The following HUS1 variants were observed in gnomAD, a reference collection of about 807,000 sequenced individuals.
HUS1 encodes checkpoint protein HUS1.
A neutral mutation model predicts 32.6 loss-of-function variants in HUS1; 31 were observed. The ratio of observed to expected loss-of-function variants is 0.95; its 90% CI spans 0.72 to 1.28. The LOEUF (loss-of-function observed/expected upper bound fraction) is 1.28, where lower values mean the gene tolerates loss of function less well. Ranked by LOEUF, HUS1 falls within the 50% of genes most tolerant of loss-of-function variation. HUS1 has a pLI of 0.00. For synonymous variants in HUS1, 123 were observed against 116.6 expected (o/e 1.06, Z -0.36); for missense variants, 340 against 337.7 (o/e 1.01, Z -0.05).
intron 7 of HUS1, among the ~76,000 whole-genome samples, chr7:47,967,210 T>C (rs532355377): frequency 2.0e-5 from 3 of 152,286 alleles, no homozygotes; most frequent in African/African-American, 7.2e-5. Flanking sequence ...AAAAATGCCT[T>C]GAAAAGCTCT....
chr7:47,965,124 C>A lies in HUS1; in HGVS notation c.*232G>T. On this transcript the variant is annotated 3_prime_UTR_variant, in exon 8 of 8. Transcript: ENST00000258774. ...TCTGAATAAATAAATTCTAGCTTTT[C>A]TTTTCAGTGTCTTAAAAACAAAGCA... is the stretch of plus-strand genomic sequence containing the variant. 1 of 372,240 alleles carries A rather than the reference C, an allele frequency of 2.7e-6. No individual in the cohort carries two copies. The highest frequency in any genetic ancestry group is 4.9e-6 in the Non-Finnish European group (1 of 203,738). The allele number at this position is 372,240 out of a possible 1,614,324, so 23.1% of individuals were successfully genotyped here. A position where few individuals can be genotyped will look rare whatever the true frequency, so the allele number is the denominator to read the frequency against.
chr7:47,977,242 TG>T (rs1277312852), intron 3 of HUS1, among the ~76,000 whole-genome samples: 1 of 151,862 alleles, frequency 6.6e-6, no homozygotes, highest in Non-Finnish European at 1.5e-5. Context: ...GCAGCAGCCA[TG>T]GGAAGACAAG....
chr7:47,975,361 T>A (rs1184220533), intron 5 of HUS1, among the ~76,000 whole-genome samples: 1 of 142,652 alleles, frequency 7.0e-6, no homozygotes, highest in Non-Finnish European at 1.6e-5. Flanking sequence ...TCATACAAAA[T>A]ATAAGAGGAA....
chr7:47,970,232 CAAAA>C (rs777331089), intron 5 of HUS1, among the ~76,000 whole-genome samples: 5 of 47,842 alleles, frequency 1.0e-4, no homozygotes, highest in African/African-American at 1.4e-4. Flanking sequence ...GACTCTGTCT[CAAAA>C]AAAAAAAAAA....
chr7:47,978,936 TG>T, intron 1 of HUS1, 120 bp from the exon 2 acceptor site: 1 of 1,033,274 alleles, frequency 9.7e-7, no homozygotes, highest in African/African-American at 1.6e-5. Context: ...CACTTAACGT[TG>T]GTATCACACT....
chr7:47,977,533 T>C (rs1023564870), intron 3 of HUS1, among the ~76,000 whole-genome samples: 6 of 151,952 alleles, frequency 3.9e-5, no homozygotes, highest in African/African-American at 1.2e-4. Flanking sequence ...ACCAAACTTA[T>C]ACTGTGACAT....
rs528436783 is a variant in HUS1 at position 47,967,849 on chromosome 7, C to A, written c.717G>T (p.Gln239His). 3.1e-6 allele frequency: 5 copies of A among 1,614,036 alleles called. No individual in the cohort carries two copies. The South Asian group carries it at 5.5e-5, about 18-fold the overall frequency. ...GATTTACTTGTTGTCCAGCAAGAAA[C>A]TGTAGGAGCTTCCTAATATCTATGT... Reference protein sequence around the residue: ...EVHIDIRKLLQFLAGQQVNPT... With the variant: ...EVHIDIRKLLHFLAGQQVNPT... Residue 239 changes from glutamine to histidine, a missense_variant, in exon 7 of 8, where the codon CAG becomes CAT. Transcript: ENST00000258774.
rs1163411332 is a variant in HUS1 at position 47,978,811 on chromosome 7, T to A, written c.58A>T (p.Ser20Cys). 1.2e-6 allele frequency: 2 copies of A among 1,613,852 alleles called. No homozygotes were observed. Among genetic ancestry groups the A allele is most frequent in the Admixed American group, 3.3e-5 (2 of 59,976 alleles). The change falls in exon 2 of 8, where the codon AGT becomes TGT. Residue 20 changes from serine (S) to cysteine (C), a missense_variant. By Grantham distance (112) the Ser-to-Cys change is moderately radical (BLOSUM62 -1). Coordinates refer to ENST00000258774, the MANE Select transcript of HUS1 (RefSeq NM_004507.4). ...TTGGCAAGCTTGGCTATCATGTTAC[T>A]GATTCCTAAAGCAGGGGTTAAAATA... The part of the protein sequence containing the change: ...GACLNHFTRI[S>C]NMIAKLAKTC...
rs147789957 is a variant in HUS1 at position 47,966,987 on chromosome 7, C to T, written c.760+819G>A. Among the ~76,000 whole-genome samples, 503 of 152,300 alleles carry T rather than the reference C, an allele frequency of 3.3e-3. 2 individuals carry two copies. The highest frequency in any genetic ancestry group is 0.012 in the African/African-American group (479 of 41,576). Reference sequence around the variant, plus strand: ...TCCCATGGTCTCTTCTGATTCTCTTCATGTCTCTCATTCAAAAGGGCTGGT... The same window carrying T: ...TCCCATGGTCTCTTCTGATTCTCTTTATGTCTCTCATTCAAAAGGGCTGGT... On this transcript the variant is annotated intron_variant, in intron 7 of 7. Coordinates refer to ENST00000258774, the MANE Select transcript of HUS1 (RefSeq NM_004507.4).
In HUS1 at chr7:47,976,794, G is replaced by A. The variant is rs370417384; in HGVS notation, c.401C>T (p.Pro134Leu). 33 of 1,613,324 alleles carry A rather than the reference G, an allele frequency of 2.0e-5. No individual in the cohort carries two copies. The African/African-American group carries it at 3.7e-4, about 18-fold the overall frequency. The change falls in exon 4 of 8, where the codon CCC (proline) becomes CTC (leucine). Residue 134 changes from proline to leucine, a missense_variant. Coordinates refer to ENST00000258774, the MANE Select transcript of HUS1 (RefSeq NM_004507.4). ...SSSRIVTHDI[P>L]IKVIPRKLWK... ...CAATTTCCTAGGAATCACCTTTATG[G>A]GGATGTCATGGGTCACAATGCGGCT... is the stretch of plus-strand genomic sequence containing the variant.
At chr7:47,971,538 C>T (rs1345757420) in intron 5 of HUS1, 1 of 456,726 alleles carries the variant, frequency 2.2e-6, no homozygotes, top group Non-Finnish European at 4.4e-6. Context: ...GCATATGCCA[C>T]AGTATGGTTT....
Position 47,963,885 on chromosome 7 carries a change from G to A in HUS1, c.*1471C>T, listed in dbSNP as rs1465961431. ...CGCGCCACTAGCACTCCAGACTGGC[G>A]ACAGAGTGAGACTCCGTCTCAAAAA... On this transcript the variant is annotated 3_prime_UTR_variant, in exon 8 of 8. Transcript: ENST00000258774. 1.3e-5 allele frequency: 2 copies of A among 150,326 alleles called. No homozygotes were observed. Among genetic ancestry groups the A allele is most frequent in the African/African-American group, 2.4e-5 (1 of 40,822 alleles). The allele number at this position is 150,326 out of a possible 1,614,324, so 9.3% of individuals were successfully genotyped here.
chr7:47,967,951 T>C, intron 6 of HUS1, 26 bp from the exon 7 acceptor site: 1 of 1,600,212 alleles, frequency 6.2e-7, no homozygotes, highest in Non-Finnish European at 8.5e-7. Context: ...TGCATTTAAA[T>C]ACAACATCTT....
chr7:47,969,283 C>A lies in HUS1; in HGVS notation c.576G>T (p.Leu192Phe), dbSNP rs763890469. The A allele has an allele frequency of 1.1e-5, 18 of 1,592,184 alleles. No individual in the cohort carries two copies. The South Asian group carries it at 2.0e-4, about 18-fold the overall frequency. ...IEANLDGELNLKIETELVCVT... is the reference protein window; with the variant it reads ...IEANLDGELNFKIETELVCVT... ...CACATACTAATTCAGTTTCTATTTT[C>A]AAATTCAATTCTCCATCTAGGTTTG... Residue 192 changes from leucine to phenylalanine, a missense_variant, in exon 6 of 8, where the codon TTG (leucine) becomes TTT (phenylalanine). Transcript: ENST00000258774.
rs144439413 is a variant in HUS1, at chr7:47,966,392, A to T, written c.761-954T>A. 3.3e-3 allele frequency among the ~76,000 whole-genome samples: 502 copies of T among 152,330 alleles called. 2 individuals carry two copies. The highest frequency in any genetic ancestry group is 0.011 in the African/African-American group (478 of 41,574). On this transcript the variant is annotated intron_variant, in intron 7 of 7. Transcript: ENST00000258774. The stretch of plus-strand genomic sequence containing the variant: ...GGAGACACCAAAGTGAATGTTGGGA[A>T]GACACTTGGCTTAGTCAACCACCTT...
chr7:47,970,553 A>T (rs1788578036), intron 5 of HUS1, among the ~76,000 whole-genome samples: 1 of 152,192 alleles, frequency 6.6e-6, no homozygotes, highest in South Asian at 2.1e-4. Flanking sequence ...AGTGGAGAAG[A>T]TCCAAGCCCT....
intron 5 of HUS1, among the ~76,000 whole-genome samples, chr7:47,971,072 C>T (rs901397421): frequency 5.3e-4 from 81 of 152,094 alleles, no homozygotes; most frequent in African/African-American, 1.8e-3. Flanking sequence ...AAATTTTATG[C>T]TCTGATGATG....
At position 47,979,469 on chromosome 7, in the gene HUS1, T is replaced by C. The variant is rs2307257; in HGVS notation, c.51A>G (p.Thr17=). The C allele has an allele frequency of 1.3e-3, 2,017 of 1,613,472 alleles. 47 individuals are homozygous for C. The Admixed American group carries it at 0.031, about 25-fold the overall frequency. ...CTCCTCTCCGGCCTCCCTGCTCACG[T>C]GTGAAGTGGTTCAGACAGGCCCCGT... ...IVDGACLNHF[T]RISNMIAKLA... is the part of the protein sequence containing the mutation. The change falls in exon 1 of 8, where the codon ACA becomes ACG. Residue 17 remains threonine, a splice_region_variant and synonymous_variant. Transcript: ENST00000258774.
chr7:47,967,990 C>G, intron 6 of HUS1, 65 bp from the exon 7 acceptor site: 3 of 1,524,314 alleles, frequency 2.0e-6, no homozygotes, highest in Non-Finnish European at 2.7e-6. Flanking sequence ...TGGAGATACT[C>G]AATGCATTTT....
Sources: allele counts gnomAD v4.1 joint callset (sites outside exome capture counted in the v4.1 genomes callset), GRCh38; gene constraint gnomAD v4.1.1; transcripts MANE v1.5; gene names NCBI Gene and HGNC (gene_info 2026-07-23, HGNC 2026-07-21).